The following TAFA3 variants were observed in gnomAD, a reference collection of about 807,000 sequenced individuals.
TAFA3 encodes TAFA chemokine like family member 3, also known as chemokine-like protein TAFA-3.
In TAFA3, 17 loss-of-function variants were observed where a neutral mutation model predicts 20.7. That is an observed-to-expected ratio of 0.82 (90% CI 0.56 to 1.23). The LOEUF (loss-of-function observed/expected upper bound fraction) is 1.23. Among genes scored for constraint, TAFA3 ranks in the 50% most tolerant of loss-of-function variants. TAFA3 has a pLI of 0.00. For synonymous variants in TAFA3, 74 were observed against 71.8 expected, an observed-to-expected ratio of 1.03 and a Z score of -0.16; for missense variants, 174 against 172.8, an observed-to-expected ratio of 1.01 and a Z score of -0.04.
chr1:112,726,064 G>C (rs1675464016), intron 5 of TAFA3, among the ~76,000 whole-genome samples: 1 of 152,176 alleles, frequency 6.6e-6, no homozygotes, highest in African/African-American at 2.4e-5. Flanking sequence ...TTGAACCTAG[G>C]AGGCAGAAGT....
Position 112,723,137 on chromosome 1 carries a change from C to T in TAFA3, c.237C>T (p.Thr79=). ...GTTTTTCTGGCCAGGTGGCCGGCACCACGCGGGCAAAGCCCTCCTGCGTGG... is the reference window on the plus strand; with the variant it reads ...GTTTTTCTGGCCAGGTGGCCGGCACTACGCGGGCAAAGCCCTCCTGCGTGG... ...CSCFSGQVAG[T]TRAKPSCVDA... is the part of the protein sequence containing the mutation. Residue 79 remains threonine, a synonymous_variant, in exon 4 of 6, where the codon ACC becomes ACT. Transcript: ENST00000361886. The T allele has an allele frequency of 6.2e-7, 1 of 1,613,260 alleles. No homozygotes were observed.
chr1:112,722,938 G>C (rs1452052408), intron 3 of TAFA3, 78 bp from the exon 4 acceptor site: 11 of 1,517,722 alleles, frequency 7.2e-6, no homozygotes, highest in Non-Finnish European at 9.7e-6. Flanking sequence ...GGGAGGAGGG[G>C]CTGGAGGCCA....
At chr1:112,723,680 TCA>T (rs1352780813) in intron 4 of TAFA3, among the ~76,000 whole-genome samples, 1 of 152,110 alleles carries the variant, frequency 6.6e-6, no homozygotes, top group Non-Finnish European at 1.5e-5. Flanking sequence ...TCCAGACGAC[TCA>T]CACCCTTGCT....
At position 112,726,807 on chromosome 1, in the gene TAFA3, T is replaced by C; in HGVS notation, c.*167T>C. ...AGTTAAGCTGCTCAGCAGATATGGA[T>C]GGATCTGCAATCACATACCTAATGT... On this transcript the variant is annotated 3_prime_UTR_variant, in exon 6 of 6. Transcript: ENST00000361886. The C allele has an allele frequency of 1.0e-6, 1 of 993,954 alleles. No individual in the cohort carries two copies. The highest frequency in any genetic ancestry group is 1.5e-6 in the Non-Finnish European group (1 of 655,258). The allele number at this position is 993,954 out of a possible 1,614,324, so 61.6% of individuals were successfully genotyped here.
At chr1:112,725,375 T>TA in intron 5 of TAFA3, among the ~76,000 whole-genome samples, 1 of 125,960 alleles carries the variant, frequency 7.9e-6, no homozygotes, top group Middle Eastern at 4.4e-3. Flanking sequence ...TCCCTGAATC[T>TA]AAAATAAAAG....
Position 112,726,937 on chromosome 1 carries a change from G to A in TAFA3, c.*297G>A, listed in dbSNP as rs1207105144. ...GATGACAGACAATTTAGATAATTTA[G>A]GTTAAAGTACTTGATACCAGACTGC... On this transcript the variant is annotated 3_prime_UTR_variant, in exon 6 of 6. Coordinates refer to ENST00000361886, the MANE Select transcript of TAFA3 (RefSeq NM_182759.3). 2.2e-6 allele frequency: 1 copy of A among 460,954 alleles called. No homozygotes were observed. Among genetic ancestry groups the A allele is most frequent in the East Asian group, 3.8e-5 (1 of 26,478 alleles). The allele number at this position is 460,954 out of a possible 1,614,324, so 28.6% of individuals were successfully genotyped here. A position where few individuals can be genotyped will look rare whatever the true frequency, so the allele number is the denominator to read the frequency against.
chr1:112,723,823 G>A, intron 4 of TAFA3, 190 bp from the exon 5 acceptor site: 1 of 1,089,632 alleles, frequency 9.2e-7, no homozygotes, highest in Non-Finnish European at 1.3e-6. Flanking sequence ...AAAGTTGAGA[G>A]GGTTACGTCC....
rs1301300411 is a variant in TAFA3 at position 112,724,031 on chromosome 1, G to A, written c.284G>A (p.Arg95Lys). 6.2e-7 allele frequency: 1 copy of A among 1,614,006 alleles called. No individual in the cohort carries two copies. The highest frequency in any genetic ancestry group is 1.1e-5 in the South Asian group (1 of 91,070). ...CCCACAGCCTCCATCGTCCTGCAGA[G>A]ATGGTGGTGTCAGATGGAGCCCTGC... ...SCVDASIVLQ[R>K]WWCQMEPCLP... Residue 95 changes from arginine (R) to lysine (K), a missense_variant, in exon 5 of 6, where the codon AGA becomes AAA. Transcript: ENST00000361886.
chr1:112,726,754 T>C lies in TAFA3; in HGVS notation c.*114T>C. On this transcript the variant is annotated 3_prime_UTR_variant, in exon 6 of 6. Coordinates refer to ENST00000361886, the MANE Select transcript of TAFA3 (RefSeq NM_182759.3). ...ATTCACTTACATGCCTCATGTCAAA[T>C]GCAGCATCAGTCTTTCCGGGGCATT... 1 of 1,525,168 alleles carries C rather than the reference T, an allele frequency of 6.6e-7. No homozygotes were observed. Among genetic ancestry groups the C allele is most frequent in the Non-Finnish European group, 9.1e-7 (1 of 1,100,474 alleles). 94.5% of individuals were successfully genotyped at this position (1,525,168 alleles called of 1,614,324 possible).
At chr1:112,724,997 C>G (rs901801228) in intron 5 of TAFA3, among the ~76,000 whole-genome samples, 3 of 152,020 alleles carry the variant, frequency 2.0e-5, no homozygotes, top group Non-Finnish European at 4.4e-5. Context: ...AGGTGCCAAT[C>G]AACATTGAAT....
intron 4 of TAFA3, 62 bp downstream of exon 4, chr1:112,723,227 GC>G: frequency 6.4e-7 from 1 of 1,552,292 alleles, no homozygotes; most frequent in Non-Finnish European, 8.7e-7. Flanking sequence ...GCCTGTTCAG[GC>G]CTCGCCATCT....
At chr1:112,723,352 A>C (rs1015787177) in intron 4 of TAFA3, among the ~76,000 whole-genome samples, 187 bp downstream of exon 4, 1 of 151,944 alleles carries the variant, frequency 6.6e-6, no homozygotes, top group Non-Finnish European at 1.5e-5. Flanking sequence ...TAGATGAGAA[A>C]AGCTCTTGTT....
At chr1:112,721,555 C>T (rs1675329917) in intron 2 of TAFA3, among the ~76,000 whole-genome samples, 1 of 152,194 alleles carries the variant, frequency 6.6e-6, no homozygotes, top group South Asian at 2.1e-4. Context: ...CTCAAGTGAT[C>T]CTCCTGCCTT....
In TAFA3 at chr1:112,723,156, T is replaced by C. The variant is rs1234493561; in HGVS notation, c.256T>C (p.Cys86Arg). ...CGGCACCACGCGGGCAAAGCCCTCC[T>C]GCGTGGACGGTGAGTGAGAGGCCAG... is the stretch of plus-strand genomic sequence containing the variant. ...VAGTTRAKPS[C>R]VDASIVLQRW... The change falls in exon 4 of 6, where the codon TGC becomes CGC. Residue 86 changes from cysteine to arginine, a missense_variant. Transcript: ENST00000361886. 2 of 1,612,804 alleles carry C rather than the reference T, an allele frequency of 1.2e-6. No homozygotes were observed. Among genetic ancestry groups the C allele is most frequent in the Non-Finnish European group, 1.7e-6 (2 of 1,179,746 alleles).
intron 3 of TAFA3, among the ~76,000 whole-genome samples, chr1:112,722,597 G>A (rs905255445): frequency 1.3e-5 from 2 of 152,156 alleles, no homozygotes; most frequent in Non-Finnish European, 1.5e-5. Context: ...GTTCTGTAGT[G>A]AGAGAGGCCC....
rs775384603 is a variant in TAFA3 at position 112,726,670 on chromosome 1, G to T, written c.*30G>T. ...TGGGGGTCACGGCCTGGACAAGAAA[G>T]GCTTGACTGAGCCGTGAACTGAAGA... On this transcript the variant is annotated 3_prime_UTR_variant, in exon 6 of 6. Transcript: ENST00000361886. The T allele has an allele frequency of 1.2e-6, 2 of 1,613,844 alleles. No homozygotes were observed. Among genetic ancestry groups the T allele is most frequent in the East Asian group, 2.2e-5 (1 of 44,894 alleles).
intron 5 of TAFA3, among the ~76,000 whole-genome samples, chr1:112,724,786 T>TAA (rs58991438): frequency 0.017 from 892 of 51,426 alleles, 20 homozygotes; most frequent in African/African-American, 0.055. Context: ...AAGTATAATT[T>TAA]AAAAAAAAAA....
rs1308635031 is a variant in TAFA3 at position 112,726,696 on chromosome 1, A to G, written c.*56A>G. 1 of 1,613,566 alleles carries G rather than the reference A, an allele frequency of 6.2e-7. No homozygotes were observed. The highest frequency in any genetic ancestry group is 1.1e-5 in the South Asian group (1 of 91,052). ...GCTTGACTGAGCCGTGAACTGAAGA[A>G]TGGTATCCAGTCATCAGCCAGGAAA... On this transcript the variant is annotated 3_prime_UTR_variant, in exon 6 of 6. Coordinates refer to ENST00000361886, the MANE Select transcript of TAFA3 (RefSeq NM_182759.3).
intron 5 of TAFA3, among the ~76,000 whole-genome samples, chr1:112,724,799 A>C (rs1675422719): frequency 7.1e-6 from 1 of 140,102 alleles, no homozygotes; most frequent in Admixed American, 7.4e-5. Flanking sequence ...AAAAAAAAAA[A>C]CAACATATTA....
Sources: gnomAD v4.1 joint callset for allele counts (sites outside exome capture counted in the v4.1 genomes callset) on GRCh38, gnomAD v4.1.1 for gene constraint, MANE v1.5 for transcripts, NCBI Gene and HGNC (gene_info 2026-07-23, HGNC 2026-07-21) for gene names.